SPATS2L: variants seen among roughly 807,000 people sequenced by gnomAD.
SPATS2L encodes spermatogenesis associated serine rich 2 like.
SPATS2L carries 30 observed loss-of-function variants against 59.6 expected under a neutral mutation model. That is an observed-to-expected ratio of 0.50 (90% CI 0.38 to 0.68). The LOEUF is 0.68. Ranked by LOEUF, SPATS2L falls within the 30% of genes least tolerant of loss-of-function variation. The probability of loss-of-function intolerance (pLI) is 0.00; values close to 1 mark genes in which losing one functional copy is unlikely to be tolerated. For synonymous variants in SPATS2L, 252 were observed against 263.5 expected (o/e 0.96, Z 0.42); for missense variants, 615 against 700.0 (o/e 0.88, Z 1.37).
At chr2:200,335,192 A>T (rs959606036) in intron 2 of SPATS2L, among the ~76,000 whole-genome samples, 4 of 152,108 alleles carry the variant, frequency 2.6e-5, no homozygotes, top group African/African-American at 9.7e-5. Flanking sequence ...TTTGTTGCTA[A>T]GGTGTGTATA....
chr2:200,444,412 G>T (rs2084898899), intron 8 of SPATS2L, among the ~76,000 whole-genome samples: 1 of 152,102 alleles, frequency 6.6e-6, no homozygotes, highest in South Asian at 2.1e-4. Flanking sequence ...AATTCTGTTA[G>T]GTGCTATTGT....
rs1014471014 is a variant in SPATS2L, at chr2:200,473,999, CA to C, written c.1281+956del. Among the ~76,000 whole-genome samples, 444 of 144,778 alleles carry C rather than the reference CA, an allele frequency of 3.1e-3. 1 individual carries two copies. Among genetic ancestry groups the C allele is most frequent in the African/African-American group, 0.01 (407 of 39,130 alleles). 95.0% of individuals were successfully genotyped at this position (144,778 alleles called of 152,430 possible). A position where few individuals can be genotyped will look rare whatever the true frequency, so the allele number is the denominator to read the frequency against. Reference sequence around the variant, plus strand: ...TGGGCAACAGAGTGAGACTCCATCTCAAAAAAAAATAAAAATAAAAATAAAG... The same window carrying C: ...TGGGCAACAGAGTGAGACTCCATCTCAAAAAAAATAAAAATAAAAATAAAG... On this transcript the variant is annotated intron_variant, in intron 12 of 12. Transcript: ENST00000409140.
chr2:200,414,252 G>A (rs1390863967), intron 4 of SPATS2L, among the ~76,000 whole-genome samples: 1 of 152,160 alleles, frequency 6.6e-6, no homozygotes, highest in Non-Finnish European at 1.5e-5. Flanking sequence ...CACCTTGTCA[G>A]TGTTGAGATC....
At chr2:200,396,334 A>G (rs946095751) in intron 3 of SPATS2L, among the ~76,000 whole-genome samples, 2 of 151,962 alleles carry the variant, frequency 1.3e-5, no homozygotes, top group Admixed American at 6.6e-5. Context: ...GTGTAGAATC[A>G]TTCAAATAAA....
At chr2:200,411,466 C>A (rs2082875866) in intron 3 of SPATS2L, among the ~76,000 whole-genome samples, 2 of 127,330 alleles carry the variant, frequency 1.6e-5, no homozygotes, top group South Asian at 5.0e-4. Context: ...TACCTTTGCA[C>A]CATGCAGTAC....
At chr2:200,382,471 A>G (rs2081851104) in intron 2 of SPATS2L, among the ~76,000 whole-genome samples, 1 of 152,234 alleles carries the variant, frequency 6.6e-6, no homozygotes, top group Non-Finnish European at 1.5e-5. Flanking sequence ...CAAATGCGCA[A>G]GGCATATACT....
At chr2:200,355,044 T>C (rs1009519952) in intron 2 of SPATS2L, among the ~76,000 whole-genome samples, 1 of 152,174 alleles carries the variant, frequency 6.6e-6, no homozygotes, top group East Asian at 1.9e-4. Context: ...TTACAAGAAC[T>C]TGACAAACAG....
intron 6 of SPATS2L, among the ~76,000 whole-genome samples, chr2:200,435,763 C>T (rs2084244919): frequency 6.6e-6 from 1 of 152,140 alleles, no homozygotes; most frequent in African/African-American, 2.4e-5. Flanking sequence ...AACTCTCACA[C>T]TCCTTGTGTA....
chr2:200,317,162 T>G (rs1430769162), intron 1 of SPATS2L, among the ~76,000 whole-genome samples: 1 of 152,240 alleles, frequency 6.6e-6, no homozygotes, highest in Non-Finnish European at 1.5e-5. Context: ...TGTGAAAGCC[T>G]ACGTTATAAA....
At chr2:200,440,346 G>A (rs537348657) in intron 7 of SPATS2L, among the ~76,000 whole-genome samples, 18 of 152,206 alleles carry the variant, frequency 1.2e-4, no homozygotes, top group Non-Finnish European at 2.1e-4. Context: ...GTCTTTAGAC[G>A]TATCAGATTC....
chr2:200,474,353 T>G (rs1259714046), intron 12 of SPATS2L, among the ~76,000 whole-genome samples: 1 of 152,096 alleles, frequency 6.6e-6, no homozygotes, highest in Non-Finnish European at 1.5e-5. Flanking sequence ...TTCTTTTTTT[T>G]TTCTTTTTTT....
In SPATS2L at chr2:200,478,093, A is replaced by T. The variant is rs2087680729; in HGVS notation, c.*62A>T. ...GTTCCCTGCCCGAGGTGCTGACCCA[A>T]TTCGCTGCCAAAAGAGTGTCAATCA... On this transcript the variant is annotated 3_prime_UTR_variant, in exon 13 of 13. Transcript: ENST00000409140. 3.4e-6 allele frequency: 5 copies of T among 1,454,370 alleles called. No individual in the cohort carries two copies. The allele number at this position is 1,454,370 out of a possible 1,614,324, so 90.1% of individuals were successfully genotyped here.
At chr2:200,316,546 C>T (rs556836696) in intron 1 of SPATS2L, among the ~76,000 whole-genome samples, 7 of 152,308 alleles carry the variant, frequency 4.6e-5, no homozygotes, top group South Asian at 4.1e-4. Context: ...AGCGACTTCG[C>T]GGACCAACCA....
At chr2:200,418,808 CT>C (rs2083182274) in intron 5 of SPATS2L, among the ~76,000 whole-genome samples, 2 of 152,128 alleles carry the variant, frequency 1.3e-5, no homozygotes, top group African/African-American at 4.8e-5. Context: ...CCCTTTACCT[CT>C]CCTTCTGCCG....
intron 8 of SPATS2L, among the ~76,000 whole-genome samples, chr2:200,450,262 A>C (rs1038163956): frequency 6.6e-6 from 1 of 152,220 alleles, no homozygotes; most frequent in African/African-American, 2.4e-5. Context: ...TGTTCAGTTA[A>C]GGTTGATTCT....
chr2:200,455,804 A>G (rs2085793263), intron 8 of SPATS2L, among the ~76,000 whole-genome samples: 1 of 152,164 alleles, frequency 6.6e-6, no homozygotes, highest in South Asian at 2.1e-4. Context: ...TTGACCACCC[A>G]TACGTGTCTG....
chr2:200,388,516 GAAC>G (rs907086985), intron 2 of SPATS2L, among the ~76,000 whole-genome samples: 2 of 151,886 alleles, frequency 1.3e-5, no homozygotes, highest in Non-Finnish European at 2.9e-5. Context: ...AGGCTGCAGT[GAAC>G]TGCGATCACG....
At chr2:200,463,110 C>T (rs916474356) in intron 9 of SPATS2L, 1 of 152,112 alleles carries the variant, frequency 6.6e-6, no homozygotes, top group Non-Finnish European at 1.5e-5. Flanking sequence ...AAATGGAAGT[C>T]AGGGGTTCTA....
intron 5 of SPATS2L, 111 bp downstream of exon 5, chr2:200,416,539 AT>A: frequency 2.1e-6 from 1 of 475,710 alleles, no homozygotes; most frequent in Non-Finnish European, 3.6e-6. Context: ...ATGTTAATAT[AT>A]ACACCCAGAA....
Sources: allele counts gnomAD v4.1 joint callset (sites outside exome capture counted in the v4.1 genomes callset), GRCh38; gene constraint gnomAD v4.1.1; transcripts MANE v1.5; gene names NCBI Gene and HGNC (gene_info 2026-07-23, HGNC 2026-07-21).